Variants in BACH2 observed in about 807,000 individuals in gnomAD.
The protein encoded by BACH2 is BACH transcriptional regulator 2.
A neutral mutation model predicts 61.8 loss-of-function variants in BACH2; 5 were observed. The ratio of observed to expected loss-of-function variants is 0.08; its 90% CI spans 0.04 to 0.17. The LOEUF is 0.17. Among genes scored for constraint, BACH2 ranks in the 10% least tolerant of loss-of-function variants. BACH2 has a pLI of 1.00. For synonymous variants in BACH2, 446 were observed against 440.1 expected, an observed-to-expected ratio of 1.01 and a Z score of -0.17; for missense variants, 824 against 1,091.1, an observed-to-expected ratio of 0.76 and a Z score of 3.45.
intron 4 of BACH2, among the ~76,000 whole-genome samples, chr6:90,125,988 G>A (rs552371067): frequency 1.3e-5 from 2 of 152,340 alleles, no homozygotes; most frequent in Admixed American, 6.5e-5. Flanking sequence ...CACTATGCCA[G>A]GTGGCCAGGA....
Position 89,931,444 on chromosome 6 carries a change from A to G in BACH2, c.*964T>C, listed in dbSNP as rs1772635919. ...TCACCTGAGTGCTTTTTAATTAGCT[A>G]AAATGTTTTACTTTTTTAACTAAAA... On this transcript the variant is annotated 3_prime_UTR_variant, in exon 9 of 9. Transcript: ENST00000257749. 1 of 152,748 alleles carries G rather than the reference A, an allele frequency of 6.5e-6. No individual in the cohort carries two copies. Among genetic ancestry groups the G allele is most frequent in the Non-Finnish European group, 1.5e-5 (1 of 68,044 alleles). 9.5% of individuals were successfully genotyped at this position (152,748 alleles called of 1,614,324 possible). A position where few individuals can be genotyped will look rare whatever the true frequency, so the allele number is the denominator to read the frequency against.
At chr6:90,234,266 G>A (rs1022376257) in intron 3 of BACH2, among the ~76,000 whole-genome samples, 3 of 152,188 alleles carry the variant, frequency 2.0e-5, no homozygotes, top group African/African-American at 7.2e-5. Flanking sequence ...GTGCAAGTGC[G>A]GAAAAATACT....
chr6:89,932,193 T>C lies in BACH2; in HGVS notation c.*215A>G. 1 of 610,736 alleles carries C rather than the reference T, an allele frequency of 1.6e-6. No individual in the cohort carries two copies. The highest frequency in any genetic ancestry group is 2.8e-6 in the Non-Finnish European group (1 of 359,430). 37.8% of individuals were successfully genotyped at this position (610,736 alleles called of 1,614,324 possible). ...CAGTGTCATCACTGCTGTCTTTCCT[T>C]GCCTGGGCAAGGGGTAGCACCATTG... On this transcript the variant is annotated 3_prime_UTR_variant, in exon 9 of 9. Coordinates refer to ENST00000257749, the MANE Select transcript of BACH2 (RefSeq NM_021813.4).
chr6:89,942,773 G>A (rs1455523692), intron 7 of BACH2, among the ~76,000 whole-genome samples: 1 of 152,230 alleles, frequency 6.6e-6, no homozygotes, highest in African/African-American at 2.4e-5. Context: ...AGCAGGCCAA[G>A]GGCCAAACAG....
chr6:90,037,725 A>C (rs1779329061), intron 5 of BACH2, among the ~76,000 whole-genome samples: 1 of 152,196 alleles, frequency 6.6e-6, no homozygotes, highest in Non-Finnish European at 1.5e-5. Flanking sequence ...TGAAGCCCTA[A>C]CCTCCTGTAG....
chr6:90,246,644 A>C (rs1770648564), intron 3 of BACH2, among the ~76,000 whole-genome samples: 1 of 152,214 alleles, frequency 6.6e-6, no homozygotes, highest in African/African-American at 2.4e-5. Flanking sequence ...AAATGAGTAC[A>C]TATAAAAATT....
intron 5 of BACH2, among the ~76,000 whole-genome samples, chr6:90,024,737 G>T (rs1778548056): frequency 6.6e-6 from 1 of 152,152 alleles, no homozygotes; most frequent in Non-Finnish European, 1.5e-5. Flanking sequence ...ACTTTTGAGA[G>T]AGATGAAGAA....
At chr6:89,985,020 G>C (rs577563394) in intron 6 of BACH2, among the ~76,000 whole-genome samples, 1 of 152,308 alleles carries the variant, frequency 6.6e-6, no homozygotes, top group South Asian at 2.1e-4. Context: ...CCTCGGGCAG[G>C]AGACATTTGG....
chr6:89,960,208 G>C (rs928851553), intron 6 of BACH2, among the ~76,000 whole-genome samples: 2 of 152,142 alleles, frequency 1.3e-5, no homozygotes, highest in Non-Finnish European at 2.9e-5. Flanking sequence ...CCAATTTCCT[G>C]TTTTATAGCC....
chr6:90,063,191 G>A (rs1370313611), intron 5 of BACH2, among the ~76,000 whole-genome samples: 1 of 152,140 alleles, frequency 6.6e-6, no homozygotes, highest in Non-Finnish European at 1.5e-5. Flanking sequence ...ATTCAGATGA[G>A]GTAATTAATT....
chr6:90,218,250 T>C (rs1769606763), intron 3 of BACH2: 1 of 152,096 alleles, frequency 6.6e-6, no homozygotes, highest in African/African-American at 2.4e-5. Context: ...GTTTGGTGGG[T>C]GTTGCTCTAA....
At chr6:90,181,423 G>C (rs1468774386) in intron 4 of BACH2, among the ~76,000 whole-genome samples, 1 of 151,916 alleles carries the variant, frequency 6.6e-6, no homozygotes, top group African/African-American at 2.4e-5. Flanking sequence ...GAAGGGAAAA[G>C]AGGAGGAGAG....
intron 4 of BACH2, among the ~76,000 whole-genome samples, chr6:90,123,974 C>A (rs1783745384): frequency 6.6e-6 from 1 of 152,094 alleles, no homozygotes; most frequent in Non-Finnish European, 1.5e-5. Flanking sequence ...CCGATGGCTG[C>A]ATGGGGCCAG....
At chr6:90,206,280 C>T (rs1228709742) in intron 4 of BACH2, among the ~76,000 whole-genome samples, 1 of 152,144 alleles carries the variant, frequency 6.6e-6, no homozygotes, top group Non-Finnish European at 1.5e-5. Context: ...AATCTAGCCC[C>T]AGAGTCTCAA....
At chr6:90,053,393 C>T (rs1780153114) in intron 5 of BACH2, among the ~76,000 whole-genome samples, 1 of 152,150 alleles carries the variant, frequency 6.6e-6, no homozygotes, top group Admixed American at 6.5e-5. Flanking sequence ...GATTCTCCCG[C>T]CTCAGCCTCC....
At chr6:90,278,213 C>T (rs1562539276) in intron 1 of BACH2, among the ~76,000 whole-genome samples, 1 of 152,144 alleles carries the variant, frequency 6.6e-6, no homozygotes, top group African/African-American at 2.4e-5. Flanking sequence ...CAGTTCAATC[C>T]ATCTCTTCTT....
At chr6:90,241,865 C>T (rs2127865286) in intron 3 of BACH2, among the ~76,000 whole-genome samples, 1 of 150,642 alleles carries the variant, frequency 6.6e-6, no homozygotes, top group Non-Finnish European at 1.5e-5. Context: ...AGACATTATA[C>T]AAGGCTTTTG....
At chr6:90,166,966 T>C (rs1159577044) in intron 4 of BACH2, among the ~76,000 whole-genome samples, 1 of 151,646 alleles carries the variant, frequency 6.6e-6, no homozygotes, top group Non-Finnish European at 1.5e-5. Flanking sequence ...AAATGACGAG[T>C]TACTGGGTGC....
intron 3 of BACH2, among the ~76,000 whole-genome samples, chr6:90,223,237 T>G (rs1769800120): frequency 6.6e-6 from 1 of 152,220 alleles, no homozygotes; most frequent in Non-Finnish European, 1.5e-5. Flanking sequence ...CACCACATGT[T>G]AGGCAACGCT....
Sources: gnomAD v4.1 joint callset for allele counts (sites outside exome capture counted in the v4.1 genomes callset) on GRCh38, gnomAD v4.1.1 for gene constraint, MANE v1.5 for transcripts, NCBI Gene and HGNC (gene_info 2026-07-23, HGNC 2026-07-21) for gene names.